The following R3HDM2 variants were observed in gnomAD, a reference collection of about 807,000 sequenced individuals.
R3HDM2 encodes the protein R3H domain-containing protein 2.
A neutral mutation model predicts 124.5 loss-of-function variants in R3HDM2; 38 were observed. That is an observed-to-expected ratio of 0.31 (90% CI 0.24 to 0.40). The LOEUF (loss-of-function observed/expected upper bound fraction) is 0.40. R3HDM2 is among the 10% of genes least tolerant of loss of function. R3HDM2 has a pLI of 1.00. For synonymous variants in R3HDM2, 391 were observed against 448.0 expected (o/e 0.87, Z 1.61); for missense variants, 869 against 1,236.9 (o/e 0.70, Z 4.46).
At chr12:57,372,944 G>A (rs1163800673) in intron 2 of R3HDM2, among the ~76,000 whole-genome samples, 1 of 152,222 alleles carries the variant, frequency 6.6e-6, no homozygotes, top group Non-Finnish European at 1.5e-5. Flanking sequence ...GGGGGCTTGT[G>A]CCTGTAATCC....
intron 1 of R3HDM2, among the ~76,000 whole-genome samples, chr12:57,398,093 A>G (rs2067731985): frequency 6.8e-6 from 1 of 146,746 alleles, no homozygotes; most frequent in South Asian, 2.3e-4. Context: ...GAAGCAGGAA[A>G]TCGCTTGAAA....
intron 1 of R3HDM2, among the ~76,000 whole-genome samples, chr12:57,403,364 C>T (rs1038862935): frequency 4.6e-5 from 7 of 151,804 alleles, no homozygotes; most frequent in Admixed American, 1.3e-4. Context: ...TGATGGCGCA[C>T]GCCTGTAATC....
intron 2 of R3HDM2, among the ~76,000 whole-genome samples, chr12:57,378,289 A>G (rs984960426): frequency 6.6e-6 from 1 of 152,174 alleles, no homozygotes; most frequent in Non-Finnish European, 1.5e-5. Flanking sequence ...AAGTAGAGCC[A>G]ATTTCAGATA....
intron 15 of R3HDM2, 95 bp from the exon 16 acceptor site, chr12:57,269,544 A>C: frequency 6.6e-7 from 1 of 1,520,930 alleles, no homozygotes; most frequent in Non-Finnish European, 8.9e-7. Context: ...ATGGCCAGAA[A>C]TATGTAAACG....
intron 19 of R3HDM2, among the ~76,000 whole-genome samples, chr12:57,259,718 C>T (rs1404792714): frequency 3.3e-5 from 5 of 152,178 alleles, no homozygotes; most frequent in Non-Finnish European, 5.9e-5. Flanking sequence ...TGAACATTTG[C>T]TATGTGCTAG....
intron 14 of R3HDM2, among the ~76,000 whole-genome samples, chr12:57,274,605 T>C (rs1378804130): frequency 6.6e-6 from 1 of 152,230 alleles, no homozygotes; most frequent in Non-Finnish European, 1.5e-5. Flanking sequence ...AGGGCAGTGA[T>C]ACGGGCAGGG....
rs1490047425 is a variant in R3HDM2, at chr12:57,295,500, G to T, written c.709C>A (p.Gln237Lys). ...TCCTTTATATGTTCTGAGAACCTCTGTTCAGGGCTGAGATTTGGAGAGAAA... is the reference window on the plus strand; with the variant it reads ...TCCTTTATATGTTCTGAGAACCTCTTTTCAGGGCTGAGATTTGGAGAGAAA... ...NKTSNTRIPE[Q>K]RFSEHIKDEK... The change falls in exon 10 of 24, where the codon CAG becomes AAG. Residue 237 changes from glutamine (Q) to lysine (K), a missense_variant. Physicochemically the swap from Gln to Lys is moderately conservative, Grantham distance 53. Transcript: ENST00000402412. 1.9e-6 allele frequency: 3 copies of T among 1,549,812 alleles called. No individual in the cohort carries two copies. The highest frequency in any genetic ancestry group is 1.4e-5 in the African/African-American group (1 of 73,114).
At chr12:57,413,849 T>A (rs1264813925) in intron 1 of R3HDM2, among the ~76,000 whole-genome samples, 11 of 4,134 alleles carry the variant, frequency 2.7e-3, no homozygotes, top group Non-Finnish European at 8.7e-3. Flanking sequence ...TCCCCCCCCT[T>A]TTTTTTTTTT....
Position 57,269,798 on chromosome 12 carries a change from G to C in R3HDM2, c.1541C>G (p.Thr514Ser), listed in dbSNP as rs760908705. The part of the protein sequence containing the change: ...NYSTSSHAPP[T>S]QQVLPPQGYM... ...CCCCTGGGGTGGCAGAACTTGCTGA[G>C]TAGGTGGTGCATGGCTAGAGGTGGA... Residue 514 changes from threonine to serine, a missense_variant, in exon 15 of 24, where the codon ACT (threonine) becomes AGT (serine). By Grantham distance (58) the Thr-to-Ser change is moderately conservative. Transcript: ENST00000402412. 3 of 1,614,202 alleles carry C rather than the reference G, an allele frequency of 1.9e-6. No individual in the cohort carries two copies. Among genetic ancestry groups the C allele is most frequent in the Non-Finnish European group, 2.5e-6 (3 of 1,180,034 alleles).
At chr12:57,293,097 G>C (rs1487826296) in intron 10 of R3HDM2, among the ~76,000 whole-genome samples, 1 of 152,144 alleles carries the variant, frequency 6.6e-6, no homozygotes, top group Non-Finnish European at 1.5e-5. Context: ...AACAGTAGAG[G>C]AGGAGGTTTA....
At chr12:57,261,769 A>C (rs890821566) in intron 19 of R3HDM2, among the ~76,000 whole-genome samples, 1 of 151,486 alleles carries the variant, frequency 6.6e-6, no homozygotes, top group Non-Finnish European at 1.5e-5. Flanking sequence ...AAAAAAAAAA[A>C]AAAAAAAAAC....
intron 1 of R3HDM2, among the ~76,000 whole-genome samples, chr12:57,402,700 G>A (rs2068148911): frequency 6.6e-6 from 1 of 151,756 alleles, no homozygotes; most frequent in Non-Finnish European, 1.5e-5. Flanking sequence ...AACCCGGGAG[G>A]CAGAGGCTGC....
chr12:57,281,661 T>G (rs2046169820), intron 13 of R3HDM2, among the ~76,000 whole-genome samples: 1 of 152,102 alleles, frequency 6.6e-6, no homozygotes, highest in East Asian at 2.0e-4. Flanking sequence ...AATTTTGATG[T>G]CTTTGGTAGA....
chr12:57,363,398 C>T (rs2062180751), intron 2 of R3HDM2, among the ~76,000 whole-genome samples: 1 of 152,008 alleles, frequency 6.6e-6, no homozygotes, highest in South Asian at 2.1e-4. Context: ...CCAAAAGAAA[C>T]CTTATACTCA....
intron 2 of R3HDM2, among the ~76,000 whole-genome samples, chr12:57,384,165 C>T (rs1011978957): frequency 2.6e-5 from 4 of 151,726 alleles, no homozygotes; most frequent in African/African-American, 7.3e-5. Context: ...ATCAAGACCA[C>T]GGTGAAACCG....
At position 57,300,427 on chromosome 12, in the gene R3HDM2, G is replaced by A. The variant is rs567097844; in HGVS notation, c.208-246C>T. The stretch of plus-strand genomic sequence containing the variant: ...AAACTGGCTACATGGACAGATGATA[G>A]GAAACCATTTCACTCAGCCCTCTTC... On this transcript the variant is annotated intron_variant, in intron 4 of 23. Transcript: ENST00000402412. 2.6e-5 allele frequency among the ~76,000 whole-genome samples: 4 copies of A among 152,240 alleles called. No individual in the cohort carries two copies. The South Asian group carries it at 8.3e-4, about 32-fold the overall frequency.
In R3HDM2 at chr12:57,299,274, G is replaced by C. The variant is rs1169445846; in HGVS notation, c.421+78C>G. 2.1e-6 allele frequency: 3 copies of C among 1,421,808 alleles called. No individual in the cohort carries two copies. The African/African-American group carries it at 4.3e-5, about 20-fold the overall frequency. 88.1% of individuals were successfully genotyped at this position (1,421,808 alleles called of 1,614,324 possible). ...CACTACAAATTGATGGGCCAGTAAG[G>C]CTGGCAGGTGCCAGGCTTCAGGATA... On this transcript the variant is annotated intron_variant, in intron 6 of 23. Coordinates refer to ENST00000402412, the MANE Select transcript of R3HDM2 (RefSeq NM_001394031.1).
chr12:57,300,926 C>T (rs1230208499), intron 4 of R3HDM2, among the ~76,000 whole-genome samples: 1 of 151,566 alleles, frequency 6.6e-6, no homozygotes, highest in African/African-American at 2.4e-5. Context: ...ATAGTGAGAC[C>T]CTATCTCTGC....
At chr12:57,318,918 G>A (rs2055762960) in intron 2 of R3HDM2, among the ~76,000 whole-genome samples, 1 of 152,096 alleles carries the variant, frequency 6.6e-6, no homozygotes, top group African/African-American at 2.4e-5. Context: ...GCAGAGCCAG[G>A]ACTCAAATCC....
Sources: gnomAD v4.1 joint callset for allele counts (sites outside exome capture counted in the v4.1 genomes callset) on GRCh38, gnomAD v4.1.1 for gene constraint, MANE v1.5 for transcripts, NCBI Gene and HGNC (gene_info 2026-07-23, HGNC 2026-07-21) for gene names.